TBL1X: variants seen among roughly 807,000 people sequenced by gnomAD.
The protein encoded by TBL1X is transducin beta like 1 X-linked, also known as F-box-like/WD repeat-containing protein TBL1X.
A neutral mutation model predicts 50.7 loss-of-function variants in TBL1X; 10 were observed. The observed-to-expected ratio is 0.20, with a 90% confidence interval of 0.12 to 0.33. The LOEUF (loss-of-function observed/expected upper bound fraction) is 0.33, where lower values mean the gene tolerates loss of function less well. Ranked by LOEUF, TBL1X falls within the 10% of genes least tolerant of loss-of-function variation. TBL1X has a pLI of 1.00. For missense variants in TBL1X, 340 were observed against 504.4 expected (o/e 0.67, Z 3.12); for synonymous variants, 190 against 214.7 (o/e 0.88, Z 1.01).
chrX:9,583,088 A>G (rs1259106849), intron 2 of TBL1X, among the ~76,000 whole-genome samples: 1 of 112,775 alleles, frequency 8.9e-6, no homozygotes, highest in Admixed American at 9.4e-5. Context: ...GTGGCTTAAA[A>G]TAGCAGAGAT....
intron 16 of TBL1X, 110 bp from the exon 17 acceptor site, chrX:9,714,792 G>A: frequency 1.3e-6 from 1 of 774,046 alleles, no homozygotes; most frequent in Non-Finnish European, 1.9e-6. Flanking sequence ...ATTTCACCAT[G>A]CTTGAAAATG....
chrX:9,558,588 G>A (rs978042234), intron 2 of TBL1X, among the ~76,000 whole-genome samples: 14 of 110,694 alleles, frequency 1.3e-4, no homozygotes, highest in Non-Finnish European at 2.5e-4. Context: ...TGTTTGTTGC[G>A]GCATCACTTG....
intron 1 of TBL1X, among the ~76,000 whole-genome samples, chrX:9,501,288 A>T (rs1248120685): frequency 8.9e-6 from 1 of 111,945 alleles, no homozygotes; most frequent in Admixed American, 9.5e-5. Flanking sequence ...CAGGCAGTAC[A>T]TGCAAAGTTC....
chrX:9,547,389 G>A (rs992755478), intron 2 of TBL1X, among the ~76,000 whole-genome samples: 7 of 110,346 alleles, frequency 6.3e-5, no homozygotes, highest in African/African-American at 2.0e-4. Flanking sequence ...GCGCGATCTC[G>A]ACTCACTGCA....
chrX:9,484,800 A>G (rs894252910), intron 1 of TBL1X, among the ~76,000 whole-genome samples: 11 of 108,968 alleles, frequency 1.0e-4, no homozygotes, highest in African/African-American at 3.7e-4. Context: ...AACACAGAGC[A>G]TCCAGGCACG....
chrX:9,717,735 G>A lies in TBL1X; in HGVS notation c.*1489G>A, dbSNP rs2083287666. The A allele has an allele frequency of 8.9e-6, 1 of 112,209 alleles. No homozygotes were observed. Among genetic ancestry groups the A allele is most frequent in the Non-Finnish European group, 1.9e-5 (1 of 53,279 alleles). The allele number at this position is 112,209 out of a possible 1,213,427, so 9.2% of individuals were successfully genotyped here. A position where few individuals can be genotyped will look rare whatever the true frequency, so the allele number is the denominator to read the frequency against. ...AGAGCAGGCTTGGCGAGTCCTTGCA[G>A]AGCTGACATAGAGGCGCCCGCATGT... On this transcript the variant is annotated 3_prime_UTR_variant, in exon 18 of 18. Coordinates refer to ENST00000645353, the MANE Select transcript of TBL1X (RefSeq NM_005647.4).
intron 1 of TBL1X, among the ~76,000 whole-genome samples, chrX:9,480,385 A>G (rs73186364): frequency 0.054 from 6,073 of 112,226 alleles, 180 homozygotes; most frequent in Non-Finnish European, 0.082. Context: ...ACAAAACTGA[A>G]AGTTTAAGCA....
At position 9,692,093 on chromosome X, in the gene TBL1X, C is replaced by T. The variant is rs748282665; in HGVS notation, c.750-20C>T. The stretch of plus-strand genomic sequence containing the variant: ...CCATTTGAACCAAACACCAGAGGCT[C>T]CTGTGTTTTTATTCTGTAGATCTGG... On this transcript the variant is annotated intron_variant, in intron 8 of 17. Coordinates refer to ENST00000645353, the MANE Select transcript of TBL1X (RefSeq NM_005647.4). 2.6e-5 allele frequency: 32 copies of T among 1,209,972 alleles called. No individual in the cohort carries two copies. Among genetic ancestry groups the T allele is most frequent in the South Asian group, 1.6e-4 (9 of 56,836 alleles).
At chrX:9,664,826 G>A (rs180871983) in intron 5 of TBL1X, among the ~76,000 whole-genome samples, 77 of 111,014 alleles carry the variant, frequency 6.9e-4, no homozygotes, top group Middle Eastern at 4.7e-3. Context: ...TGACAATGGC[G>A]GCTGGATTGT....
chrX:9,474,424 A>G (rs926579714), intron 1 of TBL1X, among the ~76,000 whole-genome samples: 2 of 113,429 alleles, frequency 1.8e-5, no homozygotes, highest in Admixed American at 1.8e-4. Flanking sequence ...ACGCACATGT[A>G]TGTGCGTTAA....
intron 5 of TBL1X, among the ~76,000 whole-genome samples, chrX:9,656,153 C>T (rs2082864015): frequency 8.9e-6 from 1 of 112,466 alleles, no homozygotes; most frequent in African/African-American, 3.2e-5. Context: ...ACCTCAACCT[C>T]GGCTCTTAGA....
chrX:9,710,245 G>GA (rs61536992), intron 15 of TBL1X, among the ~76,000 whole-genome samples: 2 of 94,614 alleles, frequency 2.1e-5, no homozygotes, highest in Non-Finnish European at 4.3e-5. Flanking sequence ...AACAGAAGAA[G>GA]AAAAAAAACC....
chrX:9,629,036 A>C (rs1393661228), intron 2 of TBL1X, among the ~76,000 whole-genome samples: 3 of 112,618 alleles, frequency 2.7e-5, no homozygotes, highest in East Asian at 2.8e-4. Context: ...TAAGTAACCA[A>C]GACAAACCTG....
At chrX:9,658,382 G>C (rs1027422221) in intron 5 of TBL1X, among the ~76,000 whole-genome samples, 1 of 110,857 alleles carries the variant, frequency 9.0e-6, no homozygotes, top group Non-Finnish European at 1.9e-5. Flanking sequence ...ATCCCAGGAG[G>C]AGAGAAGCAA....
chrX:9,606,896 A>G (rs968395480), intron 2 of TBL1X, among the ~76,000 whole-genome samples: 1 of 112,240 alleles, frequency 8.9e-6, no homozygotes, highest in African/African-American at 3.2e-5. Context: ...TTCTGCCTCA[A>G]GACATATAGG....
At chrX:9,645,420 G>A (rs770310914) in intron 3 of TBL1X, 1 of 112,040 alleles carries the variant, frequency 8.9e-6, no homozygotes, top group Admixed American at 9.5e-5. Flanking sequence ...ACTATACAAC[G>A]TGTAGAAAGA....
chrX:9,491,319 TA>T (rs2081940916), intron 1 of TBL1X, among the ~76,000 whole-genome samples: 4 of 31,074 alleles, frequency 1.3e-4, no homozygotes, highest in South Asian at 1.2e-3. Context: ...TATATATATA[TA>T]TATATATATA....
intron 1 of TBL1X, among the ~76,000 whole-genome samples, chrX:9,491,488 A>T (rs1323757744): frequency 9.4e-6 from 1 of 106,546 alleles, no homozygotes; most frequent in Non-Finnish European, 1.9e-5. Context: ...CTACAGGTGC[A>T]TACCACCACA....
At chrX:9,588,073 G>A (rs2082480502) in intron 2 of TBL1X, among the ~76,000 whole-genome samples, 1 of 112,099 alleles carries the variant, frequency 8.9e-6, no homozygotes, top group African/African-American at 3.3e-5. Flanking sequence ...TGGATTGAAA[G>A]TATTTGGGAA....
Sources: gnomAD v4.1 joint callset for allele counts (sites outside exome capture counted in the v4.1 genomes callset) on GRCh38, gnomAD v4.1.1 for gene constraint, MANE v1.5 for transcripts, NCBI Gene and HGNC (gene_info 2026-07-23, HGNC 2026-07-21) for gene names.